Variants in GPC6 observed in about 807,000 individuals in gnomAD.
GPC6 encodes the protein glypican-6.
A neutral mutation model predicts 55.2 loss-of-function variants in GPC6; 14 were observed. The ratio of observed to expected loss-of-function variants is 0.25; its 90% CI spans 0.17 to 0.40. The LOEUF (loss-of-function observed/expected upper bound fraction) is 0.40. Ranked by LOEUF, GPC6 falls within the 10% of genes least tolerant of loss-of-function variation. The pLI is 1.00. For missense variants in GPC6, 641 were observed against 708.5 expected (o/e 0.90, Z 1.08); for synonymous variants, 278 against 259.6 (o/e 1.07, Z -0.68).
At chr13:94,084,930 A>G (rs1172191915) in intron 4 of GPC6, among the ~76,000 whole-genome samples, 2 of 152,150 alleles carry the variant, frequency 1.3e-5, no homozygotes, top group African/African-American at 4.8e-5. Flanking sequence ...GGTTTGGCCC[A>G]GGTGAAGTGA....
chr13:93,772,676 T>C (rs1885340961), intron 2 of GPC6, among the ~76,000 whole-genome samples: 1 of 152,170 alleles, frequency 6.6e-6, no homozygotes, highest in South Asian at 2.1e-4. Context: ...GGAAGGATGC[T>C]GTCCTGATAG....
chr13:94,061,410 C>G (rs545247897), intron 4 of GPC6, among the ~76,000 whole-genome samples: 1 of 152,274 alleles, frequency 6.6e-6, no homozygotes, highest in South Asian at 2.1e-4. Flanking sequence ...CAGTGATTTG[C>G]ACTCTGCCTT....
chr13:93,767,502 C>T (rs1885160576), intron 2 of GPC6, among the ~76,000 whole-genome samples: 1 of 152,140 alleles, frequency 6.6e-6, no homozygotes, highest in Non-Finnish European at 1.5e-5. Flanking sequence ...AAATTCTCTT[C>T]TTCAAACAAA....
At chr13:93,647,127 T>G (rs1382104741) in intron 2 of GPC6, among the ~76,000 whole-genome samples, 1 of 152,126 alleles carries the variant, frequency 6.6e-6, no homozygotes, top group Non-Finnish European at 1.5e-5. Context: ...ATACCATGTG[T>G]GAGAGCTTAA....
chr13:94,105,141 G>A (rs1886006419), intron 4 of GPC6, among the ~76,000 whole-genome samples: 1 of 152,076 alleles, frequency 6.6e-6, no homozygotes. Flanking sequence ...GATCACTTGA[G>A]CCCTGGAGTT....
intron 3 of GPC6, among the ~76,000 whole-genome samples, chr13:93,966,680 T>A (rs569437685): frequency 7.0e-6 from 1 of 142,094 alleles, no homozygotes; most frequent in Non-Finnish European, 1.5e-5. Context: ...TGAGATGTGG[T>A]CTCACTGTCG....
intron 4 of GPC6, among the ~76,000 whole-genome samples, chr13:94,244,570 T>C (rs1275908445): frequency 6.6e-6 from 1 of 152,180 alleles, no homozygotes; most frequent in Non-Finnish European, 1.5e-5. Flanking sequence ...TTATTTTGTC[T>C]TTCTTTTTTT....
At chr13:93,457,080 A>G (rs1378600260) in intron 1 of GPC6, among the ~76,000 whole-genome samples, 1 of 152,152 alleles carries the variant, frequency 6.6e-6, no homozygotes, top group African/African-American at 2.4e-5. Context: ...ACCTTCTGCC[A>G]TGATTCTAAG....
intron 6 of GPC6, among the ~76,000 whole-genome samples, chr13:94,336,243 T>G (rs1473857351): frequency 6.6e-6 from 1 of 152,158 alleles, no homozygotes; most frequent in East Asian, 1.9e-4. Context: ...CAGGCTGCTT[T>G]TCTCAGGGCC....
At chr13:94,087,342 T>C (rs747108249) in intron 4 of GPC6, among the ~76,000 whole-genome samples, 58 of 150,654 alleles carry the variant, frequency 3.8e-4, no homozygotes, top group Non-Finnish European at 6.9e-4. Context: ...GCCAGGGTGA[T>C]TAAGTCACCT....
At chr13:93,830,037 C>T in intron 2 of GPC6, 117 bp from the exon 3 acceptor site, 1 of 684,688 alleles carries the variant, frequency 1.5e-6, no homozygotes, top group South Asian at 1.9e-5. Flanking sequence ...ACACCTTAAT[C>T]ACAGGATATG....
intron 3 of GPC6, among the ~76,000 whole-genome samples, chr13:93,985,046 C>T (rs1236660942): frequency 1.3e-5 from 2 of 152,170 alleles, no homozygotes; most frequent in Admixed American, 1.3e-4. Context: ...AACCCAGGCT[C>T]TTTCTTACTG....
intron 1 of GPC6, among the ~76,000 whole-genome samples, chr13:93,433,416 A>G (rs1157976636): frequency 6.6e-6 from 1 of 152,168 alleles, no homozygotes; most frequent in Non-Finnish European, 1.5e-5. Flanking sequence ...AGTTTAAATT[A>G]CATGTAAATA....
At chr13:93,650,973 C>G (rs1413187236) in intron 2 of GPC6, among the ~76,000 whole-genome samples, 1 of 152,082 alleles carries the variant, frequency 6.6e-6, no homozygotes, top group Non-Finnish European at 1.5e-5. Context: ...GAAAAATGTG[C>G]ATTCATGAAC....
intron 2 of GPC6, among the ~76,000 whole-genome samples, chr13:93,634,454 T>C (rs563237248): frequency 6.6e-6 from 1 of 152,320 alleles, no homozygotes; most frequent in Non-Finnish European, 1.5e-5. Context: ...TAAATAAAGA[T>C]TGTGTTCATA....
At chr13:93,264,599 C>G (rs1469467052) in intron 1 of GPC6, among the ~76,000 whole-genome samples, 2 of 151,900 alleles carry the variant, frequency 1.3e-5, no homozygotes, top group Non-Finnish European at 2.9e-5. Context: ...TCGGTAGAAA[C>G]AAGGTCTCAT....
chr13:94,036,718 G>A (rs561503734), intron 4 of GPC6, among the ~76,000 whole-genome samples: 4 of 151,952 alleles, frequency 2.6e-5, no homozygotes, highest in Non-Finnish European at 4.4e-5. Flanking sequence ...AATGAATCCC[G>A]GCAGTGACCC....
chr13:93,793,025 C>T (rs926897032), intron 2 of GPC6, among the ~76,000 whole-genome samples: 7 of 152,160 alleles, frequency 4.6e-5, no homozygotes, highest in African/African-American at 1.7e-4. Flanking sequence ...AAGACTGTTG[C>T]AAGAATAATG....
intron 6 of GPC6, among the ~76,000 whole-genome samples, chr13:94,334,968 C>A (rs1156601482): frequency 6.6e-6 from 1 of 152,172 alleles, no homozygotes; most frequent in Non-Finnish European, 1.5e-5. Flanking sequence ...AGACACCATG[C>A]AAATGCAACT....
Sources: allele counts gnomAD v4.1 joint callset (sites outside exome capture counted in the v4.1 genomes callset), GRCh38; gene constraint gnomAD v4.1.1; transcripts MANE v1.5; gene names NCBI Gene and HGNC (gene_info 2026-07-23, HGNC 2026-07-21).